The following IQSEC1 variants were observed in gnomAD, a reference collection of about 807,000 sequenced individuals.
The protein encoded by IQSEC1 is IQ motif and SEC7 domain-containing protein 1.
IQSEC1 carries 31 observed loss-of-function variants against 91.0 expected under a neutral mutation model. The observed-to-expected ratio is 0.34, with a 90% CI of 0.26 to 0.46. The LOEUF is 0.46. Ranked by LOEUF, IQSEC1 falls within the 20% of genes least tolerant of loss-of-function variation. The pLI is 1.00. For synonymous variants in IQSEC1, 699 were observed against 662.6 expected (o/e 1.05, Z -0.84); for missense variants, 1,388 against 1,575.6 (o/e 0.88, Z 2.02).
At position 12,936,313 on chromosome 3, in the gene IQSEC1, A is replaced by G; in HGVS notation, c.703T>C (p.Ser235Pro). 6.2e-7 allele frequency: 1 copy of G among 1,612,162 alleles called. No homozygotes were observed. The highest frequency in any genetic ancestry group is 8.5e-7 in the Non-Finnish European group (1 of 1,179,122). The change falls in exon 3 of 14, where the codon TCA becomes CCA. Residue 235 changes from serine to proline, a missense_variant. By Grantham distance (74) the Ser-to-Pro change is moderately conservative (BLOSUM62 -1). Transcript: ENST00000613206. ...LEDAFSRQVK[S>P]LAESIDDALN... ...GCATCGTCGATGGACTCGGCCAGTG[A>G]TTTCACTTGCCTAGAGAAGGCGTCC...
intron 1 of IQSEC1, among the ~76,000 whole-genome samples, chr3:13,071,344 T>C (rs1456303277): frequency 2.6e-5 from 4 of 152,098 alleles, no homozygotes; most frequent in Non-Finnish European, 5.9e-5. Context: ...ATGACATTTC[T>C]GAGCATTGGA....
rs1208722689 is a variant in IQSEC1, at chr3:13,182,161, C to T, written c.273-18028G>A. On this transcript the variant is annotated intron_variant, in intron 1 of 15. Transcript: ENST00000648114. ...ATTGGAATCCCCTCTAGTTCTCCCT[C>T]CTTCCATGCCATCATGGGCATGTAT... is the stretch of plus-strand genomic sequence containing the variant. Among the ~76,000 whole-genome samples the T allele has an allele frequency of 4.6e-5, 7 of 152,242 alleles. No homozygotes were observed. The South Asian group carries it at 1.4e-3, about 32-fold the overall frequency.
intron 2 of IQSEC1, among the ~76,000 whole-genome samples, chr3:13,126,607 T>C (rs1008171211): frequency 1.2e-4 from 18 of 152,366 alleles, no homozygotes; most frequent in Middle Eastern, 3.4e-3. Flanking sequence ...TAAACTGTTT[T>C]CCAAGGTGTT....
At chr3:13,189,896 G>A (rs1311871080) in intron 1 of IQSEC1, among the ~76,000 whole-genome samples, 1 of 152,198 alleles carries the variant, frequency 6.6e-6, no homozygotes, top group Non-Finnish European at 1.5e-5. Context: ...GCCAGTTGCT[G>A]GGGCCCTCAT....
At chr3:12,931,592 C>G (rs1490977054) in intron 3 of IQSEC1, among the ~76,000 whole-genome samples, 1 of 152,240 alleles carries the variant, frequency 6.6e-6, no homozygotes, top group Non-Finnish European at 1.5e-5. Flanking sequence ...ACAAGGAGCA[C>G]AGAGCTGGAG....
At chr3:13,186,419 A>G (rs930641244) in intron 1 of IQSEC1, among the ~76,000 whole-genome samples, 1 of 152,226 alleles carries the variant, frequency 6.6e-6, no homozygotes, top group Non-Finnish European at 1.5e-5. Flanking sequence ...GGTGTTTATG[A>G]CTGCTTAAAA....
chr3:13,116,663 G>A (rs1386960906), intron 2 of IQSEC1, among the ~76,000 whole-genome samples: 2 of 152,138 alleles, frequency 1.3e-5, no homozygotes, highest in Non-Finnish European at 2.9e-5. Flanking sequence ...CACTTCGGGA[G>A]GCCAAGGTGG....
intron 2 of IQSEC1, among the ~76,000 whole-genome samples, chr3:13,146,790 G>C (rs1706905503): frequency 6.6e-6 from 1 of 152,148 alleles, no homozygotes; most frequent in African/African-American, 2.4e-5. Context: ...GCCAAGATCA[G>C]ACCACAGCAC....
intron 1 of IQSEC1, among the ~76,000 whole-genome samples, chr3:13,048,224 C>A (rs1323453383): frequency 1.3e-5 from 2 of 152,322 alleles, no homozygotes; most frequent in South Asian, 2.1e-4. Flanking sequence ...ACAGGGGCAA[C>A]GAATGCATCT....
At chr3:13,231,646 T>C (rs1250409937) in intron 1 of IQSEC1, among the ~76,000 whole-genome samples, 1 of 152,166 alleles carries the variant, frequency 6.6e-6, no homozygotes, top group Non-Finnish European at 1.5e-5. Context: ...TTATTCTCTA[T>C]AAAATGGGGA....
chr3:12,957,634 A>C (rs1213378665), intron 1 of IQSEC1, among the ~76,000 whole-genome samples: 1 of 152,218 alleles, frequency 6.6e-6, no homozygotes, highest in East Asian at 1.9e-4. Context: ...GGGTGTGGAC[A>C]GAGAGGAGGA....
At chr3:12,999,725 C>T (rs1355309179) in intron 1 of IQSEC1, among the ~76,000 whole-genome samples, 1 of 152,232 alleles carries the variant, frequency 6.6e-6, no homozygotes, top group African/African-American at 2.4e-5. Context: ...AGTTCACCAT[C>T]GGTCATTACC....
At chr3:13,154,443 A>ATATATATATATATATG (rs1707050711) in intron 2 of IQSEC1, among the ~76,000 whole-genome samples, 1 of 85,150 alleles carries the variant, frequency 1.2e-5, no homozygotes, top group Non-Finnish European at 2.4e-5. Flanking sequence ...ACATGCATAT[A>ATATATATATATATATG]TATATATATA....
intron 1 of IQSEC1, among the ~76,000 whole-genome samples, chr3:13,264,914 C>G (rs888502082): frequency 6.6e-5 from 10 of 151,916 alleles, no homozygotes; most frequent in African/African-American, 1.9e-4. Context: ...CTGTGTCTCT[C>G]CCTCTCTCTT....
chr3:13,171,652 C>T (rs576667735), intron 1 of IQSEC1, among the ~76,000 whole-genome samples: 3 of 152,336 alleles, frequency 2.0e-5, no homozygotes, highest in Admixed American at 2.0e-4. Context: ...CTTCCCTATT[C>T]CTGATGATTT....
intron 1 of IQSEC1, among the ~76,000 whole-genome samples, chr3:13,253,532 C>T (rs1178283012): frequency 6.6e-6 from 1 of 152,170 alleles, no homozygotes; most frequent in Non-Finnish European, 1.5e-5. Flanking sequence ...CTCATTTCCC[C>T]GCTGCCATAC....
At position 13,146,873 on chromosome 3, in the gene IQSEC1, G is replaced by T. The variant is rs561193625; in HGVS notation, c.302+17231C>A. 1.9e-4 allele frequency among the ~76,000 whole-genome samples: 29 copies of T among 152,282 alleles called. No homozygotes were observed. The East Asian group carries it at 5.4e-3, about 28-fold the overall frequency. On this transcript the variant is annotated intron_variant, in intron 2 of 15. Coordinates refer to the IQSEC1 transcript ENST00000648114. ...ATAACCTTGTCAATGTGGCAATCCTGCTCCGGGCTGCATAAAAGAAACGTG... is the reference window on the plus strand; with the variant it reads ...ATAACCTTGTCAATGTGGCAATCCTTCTCCGGGCTGCATAAAAGAAACGTG...
intron 1 of IQSEC1, among the ~76,000 whole-genome samples, chr3:13,230,029 G>T (rs191827800): frequency 6.0e-4 from 92 of 152,258 alleles, no homozygotes; most frequent in African/African-American, 2.1e-3. Flanking sequence ...ATGGAAAAAT[G>T]GAATTAAAAG....
upstream of IQSEC1, among the ~76,000 whole-genome samples, chr3:13,078,361 C>T (rs1705595353): frequency 6.6e-6 from 1 of 152,150 alleles, no homozygotes; most frequent in South Asian, 2.1e-4. Context: ...GATGGAGCAG[C>T]CACAGACACT....
Sources: allele counts gnomAD v4.1 joint callset (sites outside exome capture counted in the v4.1 genomes callset), GRCh38; gene constraint gnomAD v4.1.1; transcripts MANE v1.5; gene names NCBI Gene and HGNC (gene_info 2026-07-23, HGNC 2026-07-21).